Variants in TRUB1 observed in about 807,000 individuals in gnomAD.
TRUB1 encodes pseudouridylate synthase TRUB1.
In TRUB1, 23 loss-of-function variants were observed where a neutral mutation model predicts 33.9. The observed-to-expected ratio is 0.68, with a 90% CI of 0.49 to 0.96. The LOEUF (loss-of-function observed/expected upper bound fraction) is 0.96, where lower values mean the gene tolerates loss of function less well. Ranked by LOEUF, TRUB1 falls within the 40% of genes least tolerant of loss-of-function variation. The probability of loss-of-function intolerance (pLI) is 0.00; values close to 1 mark genes in which losing one functional copy is unlikely to be tolerated. For synonymous variants in TRUB1, 163 were observed against 165.4 expected, an observed-to-expected ratio of 0.99 and a Z score of 0.11; for missense variants, 378 against 422.2, an observed-to-expected ratio of 0.90 and a Z score of 0.92.
intron 4 of TRUB1, among the ~76,000 whole-genome samples, chr10:114,969,305 C>T (rs570490766): frequency 7.3e-5 from 11 of 151,038 alleles, no homozygotes; most frequent in African/African-American, 1.9e-4. Context: ...TGGTTGTGCA[C>T]GCCTGTAATC....
intron 5 of TRUB1, 45 bp downstream of exon 5, chr10:114,970,485 C>A: frequency 7.2e-7 from 1 of 1,390,002 alleles, no homozygotes; most frequent in Non-Finnish European, 1.0e-6. Context: ...CTTTTCTTTT[C>A]CAATGGTTAA....
rs189275510 is a variant in TRUB1, at chr10:114,941,933, C to T, written c.287-712C>T. Among the ~76,000 whole-genome samples, 100 of 152,174 alleles carry T rather than the reference C, an allele frequency of 6.6e-4. 2 individuals carry two copies. In the East Asian group the frequency reaches 0.016, roughly 25 times the overall value. On this transcript the variant is annotated intron_variant, in intron 1 of 7. Coordinates refer to ENST00000298746, the MANE Select transcript of TRUB1 (RefSeq NM_139169.5). ...CTGAGTAGCTGGGACTACAGGCACC[C>T]GCCACCACGTCCGGCTAATTTTTTG...
intron 2 of TRUB1, among the ~76,000 whole-genome samples, chr10:114,945,752 T>C (rs535454223): frequency 5.9e-5 from 9 of 152,264 alleles, no homozygotes; most frequent in African/African-American, 2.2e-4. Flanking sequence ...TCTTCTTTCA[T>C]TGTGACCCAG....
intron 3 of TRUB1, among the ~76,000 whole-genome samples, chr10:114,952,875 A>G (rs184328108): frequency 1.4e-3 from 214 of 152,302 alleles, no homozygotes; most frequent in Non-Finnish European, 2.6e-3. Context: ...CCCAAAGATG[A>G]ACAATGTTTA....
rs376743642 is a variant in TRUB1, at chr10:114,938,223, C to T, written c.-31C>T. 1 of 1,606,414 alleles carries T rather than the reference C, an allele frequency of 6.2e-7. No homozygotes were observed. Among genetic ancestry groups the T allele is most frequent in the Admixed American group, 1.7e-5 (1 of 57,568 alleles). ...CTTGTTGCATCATCAGCGTGCACCT[C>T]CACGATGAAACAGGTCTGGGCTACA... is the stretch of plus-strand genomic sequence containing the variant. On this transcript the variant is annotated 5_prime_UTR_variant, in exon 1 of 8. Transcript: ENST00000298746.
intron 2 of TRUB1, among the ~76,000 whole-genome samples, chr10:114,949,726 G>T (rs567073442): frequency 6.6e-6 from 1 of 152,094 alleles, no homozygotes; most frequent in East Asian, 1.9e-4. Context: ...AGAAAGCCTA[G>T]GTGAGTTAAG....
At chr10:114,938,793 C>T (rs532800661) in intron 1 of TRUB1, among the ~76,000 whole-genome samples, 33 of 152,296 alleles carry the variant, frequency 2.2e-4, no homozygotes, top group African/African-American at 7.9e-4. Context: ...AAAACCCTGC[C>T]CTTGGGCGTG....
In TRUB1 at chr10:114,975,105, T is replaced by TA. The variant is rs778516502; in HGVS notation, c.794-17dup. 6.3e-7 allele frequency: 1 copy of TA among 1,588,636 alleles called. No individual in the cohort carries two copies. The highest frequency in any genetic ancestry group is 1.1e-5 in the South Asian group (1 of 87,060). ...TCGTTTATCTTCTGGATTTTTTTTC[T>TA]ACCTTTTGTTGCCATAGAACTATCT... is the stretch of plus-strand genomic sequence containing the variant. On this transcript the variant is annotated splice_polypyrimidine_tract_variant and intron_variant, in intron 7 of 7. Coordinates refer to ENST00000298746, the MANE Select transcript of TRUB1 (RefSeq NM_139169.5).
In TRUB1 at chr10:114,938,300, C is replaced by T; in HGVS notation, c.47C>T (p.Thr16Ile). 6.2e-7 allele frequency: 1 copy of T among 1,614,240 alleles called. No homozygotes were observed. Among genetic ancestry groups the T allele is most frequent in the South Asian group, 1.1e-5 (1 of 91,090 alleles). ...GTGGTGTCTTCGCCGTCTTTGAAAA[C>T]AGACACATCCCCTGTCCTTGAAACT... ...AAVVSSPSLK[T>I]DTSPVLETAG... Residue 16 changes from threonine (T) to isoleucine (I), a missense_variant, in exon 1 of 8, where the codon ACA becomes ATA. Thr to Ile is a moderately conservative substitution (Grantham distance 89, BLOSUM62 -1). Coordinates refer to ENST00000298746, the MANE Select transcript of TRUB1 (RefSeq NM_139169.5).
At chr10:114,970,583 T>C in intron 5 of TRUB1, 143 bp downstream of exon 5, 1 of 661,236 alleles carries the variant, frequency 1.5e-6, no homozygotes, top group Non-Finnish European at 2.7e-6. Context: ...AAAGTGAAGG[T>C]GAGACAGGAT....
Position 114,976,473 on chromosome 10 carries a change from T to TA in TRUB1, c.*1095dup, listed in dbSNP as rs1353970549. 6.6e-6 allele frequency: 1 copy of TA among 152,196 alleles called. No homozygotes were observed. The highest frequency in any genetic ancestry group is 2.4e-5 in the African/African-American group (1 of 41,456). 9.4% of individuals were successfully genotyped at this position (152,196 alleles called of 1,614,324 possible). A position where few individuals can be genotyped will look rare whatever the true frequency, so the allele number is the denominator to read the frequency against. On this transcript the variant is annotated 3_prime_UTR_variant, in exon 8 of 8. Transcript: ENST00000298746. ...TATAATGAGTGCTTCATATTTTTGT[T>TA]ATGGGAAAGCAATATATTATGCAGC...
intron 2 of TRUB1, among the ~76,000 whole-genome samples, chr10:114,944,336 G>A (rs1300717199): frequency 6.6e-6 from 1 of 152,002 alleles, no homozygotes; most frequent in Admixed American, 6.6e-5. Context: ...GGATAAAATC[G>A]GTGAAGAAAA....
intron 4 of TRUB1, among the ~76,000 whole-genome samples, chr10:114,963,606 C>G (rs1489958648): frequency 6.6e-6 from 1 of 152,214 alleles, no homozygotes; most frequent in Non-Finnish European, 1.5e-5. Flanking sequence ...TGTCATTACC[C>G]TGTCCTCCTT....
At position 114,942,728 on chromosome 10, in the gene TRUB1, G is replaced by A. The variant is rs1255809383; in HGVS notation, c.370G>A (p.Ala124Thr). 1 of 1,612,942 alleles carries A rather than the reference G, an allele frequency of 6.2e-7. No individual in the cohort carries two copies. The highest frequency in any genetic ancestry group is 1.7e-5 in the Admixed American group (1 of 59,992). Residue 124 changes from alanine to threonine, a missense_variant, in exon 2 of 8, where the codon GCC (alanine) becomes ACC (threonine). Physicochemically the swap from Ala to Thr is moderately conservative, Grantham distance 58. Coordinates refer to ENST00000298746, the MANE Select transcript of TRUB1 (RefSeq NM_139169.5). ...GCATGGAGGGACTCTAGACAGCGCA[G>A]CCCGAGGAGTTCTGGGTAAGAGATA... Reference protein sequence around the residue: ...IGHGGTLDSAARGVLVVGIGS... With the variant: ...IGHGGTLDSATRGVLVVGIGS...
intron 7 of TRUB1, among the ~76,000 whole-genome samples, chr10:114,974,623 A>T (rs932694536): frequency 6.6e-6 from 1 of 152,158 alleles, no homozygotes; most frequent in Non-Finnish European, 1.5e-5. Flanking sequence ...GAAGACAGGA[A>T]TAATGAACGT....
intron 4 of TRUB1, among the ~76,000 whole-genome samples, chr10:114,968,552 T>G (rs541626043): frequency 1.3e-5 from 2 of 150,886 alleles, no homozygotes; most frequent in Non-Finnish European, 2.9e-5. Context: ...TAGACTAAAA[T>G]TTTTTCATAG....
chr10:114,953,448 AAGT>A (rs1215324423), intron 3 of TRUB1, among the ~76,000 whole-genome samples: 10 of 152,344 alleles, frequency 6.6e-5, no homozygotes, highest in Middle Eastern at 3.4e-3. Flanking sequence ...TTTTAATAAA[AAGT>A]AGTTAAAAAC....
intron 4 of TRUB1, among the ~76,000 whole-genome samples, chr10:114,960,227 AT>A (rs912110285): frequency 6.6e-6 from 1 of 152,158 alleles, no homozygotes; most frequent in Non-Finnish European, 1.5e-5. Flanking sequence ...AAAACTTGTC[AT>A]GTTTTTGTGC....
intron 3 of TRUB1, among the ~76,000 whole-genome samples, chr10:114,954,940 T>C (rs980497572): frequency 6.6e-6 from 1 of 151,940 alleles, no homozygotes; most frequent in African/African-American, 2.4e-5. Flanking sequence ...CTGTGATTGC[T>C]GGTGATGTAG....
Sources: gnomAD v4.1 joint callset for allele counts (sites outside exome capture counted in the v4.1 genomes callset) on GRCh38, gnomAD v4.1.1 for gene constraint, MANE v1.5 for transcripts, NCBI Gene and HGNC (gene_info 2026-07-23, HGNC 2026-07-21) for gene names.